Variants in KIRREL3 observed in about 807,000 individuals in gnomAD.
KIRREL3 encodes the protein kirre like nephrin family adhesion molecule 3.
Under a neutral mutation model 89.7 loss-of-function variants are expected in KIRREL3, and 36 were observed. That is an observed-to-expected ratio of 0.40 (90% CI 0.31 to 0.53). The LOEUF (loss-of-function observed/expected upper bound fraction) is 0.53, where lower values mean the gene tolerates loss of function less well. Among genes scored for constraint, KIRREL3 ranks in the 20% least tolerant of loss-of-function variants. The pLI is 0.49. For missense variants in KIRREL3, 864 were observed against 1,056.6 expected, an observed-to-expected ratio of 0.82 and a Z score of 2.53; for synonymous variants, 445 against 441.4, an observed-to-expected ratio of 1.01 and a Z score of -0.10.
Position 126,805,723 on chromosome 11 carries a change from G to A in KIRREL3, c.55+194732C>T, listed in dbSNP as rs1951183767. ...TGTATGTAAATGAAAGAAAGAAAAG[G>A]GAAGGACAGGGAGAGGGAGGAAGAG... On this transcript the variant is annotated intron_variant, in intron 1 of 16. Coordinates refer to ENST00000525144, the MANE Select transcript of KIRREL3 (RefSeq NM_032531.4). The surrounding 1 kb of genome is among the most constrained non-coding windows in gnomAD (Gnocchi z 4.3). Among the ~76,000 whole-genome samples the A allele has an allele frequency of 6.6e-6, 1 of 152,152 alleles. No individual in the cohort carries two copies. Among genetic ancestry groups the A allele is most frequent in the South Asian group, 2.1e-4 (1 of 4,824 alleles).
At position 126,601,378 on chromosome 11, in the gene KIRREL3, G is replaced by A. The variant is rs898463114; in HGVS notation, c.56-38466C>T. 6.6e-6 allele frequency among the ~76,000 whole-genome samples: 1 copy of A among 152,202 alleles called. No homozygotes were observed. Among genetic ancestry groups the A allele is most frequent in the African/African-American group, 2.4e-5 (1 of 41,438 alleles). On this transcript the variant is annotated intron_variant, in intron 1 of 16. Transcript: ENST00000525144. This position sits in a 1 kb window ranked among gnomAD's most constrained non-coding sequence, Gnocchi z 5.8. The stretch of plus-strand genomic sequence containing the variant: ...AATGCCCTGAGGCGATGGGAACACA[G>A]CTCTGGGAGCACCTGCAATCTCATC...
At chr11:126,907,288 C>T (rs543118019) in intron 1 of KIRREL3, among the ~76,000 whole-genome samples, 69 of 152,172 alleles carry the variant, frequency 4.5e-4, no homozygotes, top group Non-Finnish European at 7.6e-4. Flanking sequence ...GGAACCTAGG[C>T]GAGGGAGGGG....
chr11:126,799,380 A>ACGTGGTATCTGTGTGTGTGCATGTATC (rs1950941016), intron 1 of KIRREL3, among the ~76,000 whole-genome samples: 1 of 11,818 alleles, frequency 8.5e-5, no homozygotes, highest in Non-Finnish European at 1.5e-4. Flanking sequence ...CTGTGTGTGC[A>ACGTGGTATCTGTGTGTGTGCATGTATC]TGCGTGTATC....
intron 1 of KIRREL3, among the ~76,000 whole-genome samples, chr11:126,947,423 C>T (rs935313912): frequency 6.6e-6 from 1 of 152,176 alleles, no homozygotes; most frequent in South Asian, 2.1e-4. Flanking sequence ...TCAGAGCAGA[C>T]GTAGTGACCA....
intron 1 of KIRREL3, among the ~76,000 whole-genome samples, chr11:126,661,230 G>A (rs1945387998): frequency 6.6e-6 from 1 of 151,944 alleles, no homozygotes; most frequent in Admixed American, 6.6e-5. Context: ...AGAAAAAATA[G>A]CAACTAGCAG....
intron 1 of KIRREL3, among the ~76,000 whole-genome samples, chr11:126,982,034 A>G (rs1949736443): frequency 6.6e-6 from 1 of 152,210 alleles, no homozygotes; most frequent in African/African-American, 2.4e-5. Flanking sequence ...TGGGATTATA[A>G]TCATTCTCAG....
chr11:126,546,531 T>C (rs1265872039), intron 2 of KIRREL3, among the ~76,000 whole-genome samples: 1 of 152,252 alleles, frequency 6.6e-6, no homozygotes, highest in Non-Finnish European at 1.5e-5. Context: ...AGCGGGCCGC[T>C]TTCTGTCCAT....
chr11:126,912,585 G>A lies in KIRREL3; in HGVS notation c.55+87870C>T, dbSNP rs1220097803. Among the ~76,000 whole-genome samples, 2 of 152,166 alleles carry A rather than the reference G, an allele frequency of 1.3e-5. No individual in the cohort carries two copies. Among genetic ancestry groups the A allele is most frequent in the East Asian group, 3.8e-4 (2 of 5,198 alleles). ...AATAACTCATCTTATCTATTCATCT[G>A]GAATACGATCCTGATGAACAGGAGA... On this transcript the variant is annotated intron_variant, in intron 1 of 16. Transcript: ENST00000525144. This position sits in a 1 kb window ranked among gnomAD's most constrained non-coding sequence, Gnocchi z 4.7.
In KIRREL3 at chr11:126,612,753, C is replaced by T. The variant is rs958407146; in HGVS notation, c.56-49841G>A. On this transcript the variant is annotated intron_variant, in intron 1 of 16. Transcript: ENST00000525144. The surrounding 1 kb of genome is among the most constrained non-coding windows in gnomAD (Gnocchi z 4.5). ...CCTACAACATGTGGCCTTTTGTGTC[C>T]GTCTCCTTTCACGTAACAAAATGCT... is the stretch of plus-strand genomic sequence containing the variant. Among the ~76,000 whole-genome samples, 5 of 152,152 alleles carry T rather than the reference C, an allele frequency of 3.3e-5. No individual in the cohort carries two copies. Among genetic ancestry groups the T allele is most frequent in the African/African-American group, 4.8e-5 (2 of 41,432 alleles).
chr11:126,974,944 T>G (rs1460014935), intron 1 of KIRREL3, among the ~76,000 whole-genome samples: 1 of 151,898 alleles, frequency 6.6e-6, no homozygotes, highest in Non-Finnish European at 1.5e-5. Flanking sequence ...GATGGAGTCT[T>G]GCTCTGTCAC....
At position 126,995,085 on chromosome 11, in the gene KIRREL3, A is replaced by T. The variant is rs1384119593; in HGVS notation, c.55+5370T>A. 1 of 409,770 alleles carries T rather than the reference A, an allele frequency of 2.4e-6. No homozygotes were observed. The allele number at this position is 409,770 out of a possible 1,614,324, so 25.4% of individuals were successfully genotyped here. On this transcript the variant is annotated intron_variant, in intron 1 of 16. Coordinates refer to ENST00000525144, the MANE Select transcript of KIRREL3 (RefSeq NM_032531.4). This position sits in a 1 kb window ranked among gnomAD's most constrained non-coding sequence, Gnocchi z 6.5. ...CCACTCTACTTGGAATACAGGATGA[A>T]GCGATTACAACCTGGGCGCAGTATA... is the stretch of plus-strand genomic sequence containing the variant.
chr11:126,514,327 G>A (rs1345691146), intron 4 of KIRREL3, among the ~76,000 whole-genome samples: 3 of 152,172 alleles, frequency 2.0e-5, no homozygotes, highest in African/African-American at 7.2e-5. Flanking sequence ...CCAGGCCAGG[G>A]CCCAGGCAAA....
chr11:126,576,370 C>A lies in KIRREL3; in HGVS notation c.56-13458G>T, dbSNP rs1338131265. Among the ~76,000 whole-genome samples, 1 of 152,162 alleles carries A rather than the reference C, an allele frequency of 6.6e-6. No homozygotes were observed. Among genetic ancestry groups the A allele is most frequent in the Non-Finnish European group, 1.5e-5 (1 of 68,028 alleles). On this transcript the variant is annotated intron_variant, in intron 1 of 16. Transcript: ENST00000525144. The surrounding 1 kb of genome is among the most constrained non-coding windows in gnomAD (Gnocchi z 5.4). ...CTAATTTCATTCATTCATTCTCATT[C>A]ATTCATTCATTCATTCAAGGAGAGC...
intron 1 of KIRREL3, among the ~76,000 whole-genome samples, chr11:126,711,530 C>A (rs1947754400): frequency 6.6e-6 from 1 of 152,180 alleles, no homozygotes; most frequent in South Asian, 2.1e-4. Context: ...CCACTGCACT[C>A]CAGCCTGGGC....
chr11:126,514,829 C>T (rs1429222747), intron 4 of KIRREL3, among the ~76,000 whole-genome samples: 1 of 140,856 alleles, frequency 7.1e-6, no homozygotes, highest in Non-Finnish European at 1.5e-5. Flanking sequence ...CAACACAACA[C>T]AACACAACAC....
rs549279175 is a variant in KIRREL3 at position 126,633,947 on chromosome 11, C to T, written c.56-71035G>A. On this transcript the variant is annotated intron_variant, in intron 1 of 16. Coordinates refer to ENST00000525144, the MANE Select transcript of KIRREL3 (RefSeq NM_032531.4). ...ATGTTCCCACTGCAATGTCCCTCTT[C>T]ATACAGTATTTCTTACCTCCTTCCA... 3.9e-4 allele frequency among the ~76,000 whole-genome samples: 60 copies of T among 152,304 alleles called. 1 individual carries two copies. The South Asian group carries it at 8.3e-3, about 21-fold the overall frequency.
rs552244112 is a variant in KIRREL3 at position 126,799,087 on chromosome 11, T to C, written c.55+201368A>G. ...GTGTGCACGTATTCGTGTGTGTGCA[T>C]GCATGTATCTGTGCGTGGATGTGTG... On this transcript the variant is annotated intron_variant, in intron 1 of 16. Transcript: ENST00000525144. Among the ~76,000 whole-genome samples the C allele has an allele frequency of 3.8e-4, 57 of 150,442 alleles. No individual in the cohort carries two copies. The East Asian group carries it at 0.01, about 27-fold the overall frequency.
In KIRREL3 at chr11:126,490,777, C is replaced by T. The variant is rs1298068977; in HGVS notation, c.434-17311G>A. ...CCTCGTCTCCCAAAGAATGGGTCTG[C>T]CTTCTTCATCTCTTGCGAGTCTGGG... is the stretch of plus-strand genomic sequence containing the variant. On this transcript the variant is annotated intron_variant, in intron 4 of 16. Transcript: ENST00000525144. This position sits in a 1 kb window ranked among gnomAD's most constrained non-coding sequence, Gnocchi z 4.2. Among the ~76,000 whole-genome samples, 1 of 152,168 alleles carries T rather than the reference C, an allele frequency of 6.6e-6. No homozygotes were observed. The highest frequency in any genetic ancestry group is 6.5e-5 in the Admixed American group (1 of 15,276).
rs901375273 is a variant in KIRREL3, at chr11:126,520,655, A to C, written c.433+660T>G. The stretch of plus-strand genomic sequence containing the variant: ...GGCGGTTTAAGAGGTCACCGAGCCC[A>C]TTCCCCTGTCTTCAGGCAAGATGAT... On this transcript the variant is annotated intron_variant, in intron 4 of 16. Transcript: ENST00000525144. The surrounding 1 kb of genome is among the most constrained non-coding windows in gnomAD (Gnocchi z 4.9). 6.6e-6 allele frequency among the ~76,000 whole-genome samples: 1 copy of C among 152,196 alleles called. No homozygotes were observed. Among genetic ancestry groups the C allele is most frequent in the South Asian group, 2.1e-4 (1 of 4,832 alleles).
Sources: gnomAD v4.1 joint callset for allele counts (sites outside exome capture counted in the v4.1 genomes callset) on GRCh38, gnomAD v4.1.1 for gene constraint, Gnocchi (gnomAD v3.1) non-coding constraint, MANE v1.5 for transcripts, NCBI Gene and HGNC (gene_info 2026-07-23, HGNC 2026-07-21) for gene names.